Variants in SLC25A46 observed in about 807,000 individuals in gnomAD.
The protein encoded by SLC25A46 is solute carrier family 25 member 46.
Under a neutral mutation model 44.6 loss-of-function variants are expected in SLC25A46, and 39 were observed. That is an observed-to-expected ratio of 0.87 (90% confidence interval 0.68 to 1.14). SLC25A46 has a LOEUF of 1.14. SLC25A46 is among the 50% of genes most tolerant of loss of function. The probability of loss-of-function intolerance (pLI) is 0.00; values close to 1 mark genes in which losing one functional copy is unlikely to be tolerated. For missense variants in SLC25A46, 547 were observed against 522.7 expected, an observed-to-expected ratio of 1.05 and a Z score of -0.45; for synonymous variants, 202 against 185.8, an observed-to-expected ratio of 1.09 and a Z score of -0.71.
rs367626482 is a variant in SLC25A46 at position 110,761,041 on chromosome 5, GA to G, written c.679-155del. 2.9e-4 allele frequency among the ~76,000 whole-genome samples: 44 copies of G among 151,682 alleles called. No individual in the cohort carries two copies. Among genetic ancestry groups the G allele is most frequent in the African/African-American group, 9.9e-4 (41 of 41,350 alleles). ...CTAGCAATTTTATGAGATTTCATTTGAAAAAAAATCTGATGCCTAGATAACA... is the reference window on the plus strand; with the variant it reads ...CTAGCAATTTTATGAGATTTCATTTGAAAAAAATCTGATGCCTAGATAACA... On this transcript the variant is annotated intron_variant, in intron 7 of 7. Coordinates refer to ENST00000355943, the MANE Select transcript of SLC25A46 (RefSeq NM_138773.4). This position sits in a 1 kb window ranked among gnomAD's most constrained non-coding sequence, Gnocchi z 5.3.
Position 110,763,495 on chromosome 5 carries a change from T to G in SLC25A46, c.*1713T>G, listed in dbSNP as rs1800313419. Reference sequence around the variant, plus strand: ...CACATTTTATATTTTATGGTGACTATTTTAGATTAAGGTTTACTTTGTCCA... The same window carrying G: ...CACATTTTATATTTTATGGTGACTAGTTTAGATTAAGGTTTACTTTGTCCA... On this transcript the variant is annotated 3_prime_UTR_variant, in exon 8 of 8. Coordinates refer to ENST00000355943, the MANE Select transcript of SLC25A46 (RefSeq NM_138773.4). The G allele has an allele frequency of 6.6e-6, 1 of 151,854 alleles. No individual in the cohort carries two copies. The allele number at this position is 151,854 out of a possible 1,614,324, so 9.4% of individuals were successfully genotyped here. A position where few individuals can be genotyped will look rare whatever the true frequency, so the allele number is the denominator to read the frequency against.
At chr5:110,750,594 G>A (rs1182894237) in intron 5 of SLC25A46, among the ~76,000 whole-genome samples, 1 of 151,934 alleles carries the variant, frequency 6.6e-6, no homozygotes, top group Non-Finnish European at 1.5e-5. Context: ...TTGATTCCTT[G>A]TAATACCAAA....
upstream of SLC25A46, chr5:110,738,957 A>T (rs576455970): frequency 1.4e-6 from 2 of 1,442,152 alleles, no homozygotes; most frequent in Non-Finnish European, 1.8e-6. Context: ...AAGAGGCTAT[A>T]ATCACGTGCT....
In SLC25A46 at chr5:110,756,236, GT is replaced by G. The variant is rs5870419; in HGVS notation, c.621-451del. 743 of 141,080 alleles carry G rather than the reference GT, an allele frequency of 5.3e-3. 5 individuals carry two copies. Among genetic ancestry groups the G allele is most frequent in the African/African-American group, 0.013 (510 of 39,034 alleles). The allele number at this position is 141,080 out of a possible 1,614,324, so 8.7% of individuals were successfully genotyped here. A position where few individuals can be genotyped will look rare whatever the true frequency, so the allele number is the denominator to read the frequency against. ...AAACAACTTTGCAAAGCTGTATAATGTTTTTTTTTTTTTTTAATAATAAAAG... is the reference window on the plus strand; with the variant it reads ...AAACAACTTTGCAAAGCTGTATAATGTTTTTTTTTTTTTTAATAATAAAAG... On this transcript the variant is annotated intron_variant, in intron 6 of 7. Coordinates refer to ENST00000355943, the MANE Select transcript of SLC25A46 (RefSeq NM_138773.4).
chr5:110,738,317 C>T (rs1258802972), upstream of SLC25A46: 1 of 1,178,500 alleles, frequency 8.5e-7, no homozygotes, highest in African/African-American at 1.6e-5. Context: ...AACGATATAA[C>T]TGGGATTTCA....
At chr5:110,760,800 TAGG>T (rs1187468312) in intron 7 of SLC25A46, among the ~76,000 whole-genome samples, 1 of 152,142 alleles carries the variant, frequency 6.6e-6, no homozygotes, top group African/African-American at 2.4e-5. Flanking sequence ...AAACTGTGCT[TAGG>T]AGAAGTTAAG....
chr5:110,746,435 T>G (rs923304794), intron 4 of SLC25A46, 89 bp downstream of exon 4: 25 of 875,906 alleles, frequency 2.9e-5, no homozygotes, highest in Non-Finnish European at 3.9e-5. Flanking sequence ...TACTTTCAGT[T>G]TGGTCAATAA....
At chr5:110,754,633 C>A (rs1800060090) in intron 5 of SLC25A46, 1 of 151,898 alleles carries the variant, frequency 6.6e-6, no homozygotes, top group African/African-American at 2.4e-5. Context: ...GGTTCCAGAC[C>A]TGGCATTTTT....
rs1400743911 is a variant in SLC25A46, at chr5:110,742,086, C to G, written c.323C>G (p.Ala108Gly). Reference sequence around the variant, plus strand: ...TTTGCTGGATTTGGTATTGGACTTGCAAGGTAATGTTTTATCTAAAGACGT... The same window carrying G: ...TTTGCTGGATTTGGTATTGGACTTGGAAGGTAATGTTTTATCTAAAGACGT... ...NRFAGFGIGL[A>G]SLFTENVLAH... Residue 108 changes from alanine (A) to glycine (G), a missense_variant, in exon 2 of 8, where the codon GCA (alanine) becomes GGA (glycine). Physicochemically the swap from Ala to Gly is moderately conservative, Grantham distance 60. Coordinates refer to ENST00000355943, the MANE Select transcript of SLC25A46 (RefSeq NM_138773.4). 1.9e-6 allele frequency: 3 copies of G among 1,566,842 alleles called. No individual in the cohort carries two copies. The highest frequency in any genetic ancestry group is 2.6e-6 in the Non-Finnish European group (3 of 1,155,840).
At position 110,761,967 on chromosome 5, in the gene SLC25A46, C is replaced by T. The variant is rs2150419656; in HGVS notation, c.*185C>T. 1 of 527,296 alleles carries T rather than the reference C, an allele frequency of 1.9e-6. No homozygotes were observed. The highest frequency in any genetic ancestry group is 3.3e-6 in the Non-Finnish European group (1 of 303,744). 32.7% of individuals were successfully genotyped at this position (527,296 alleles called of 1,614,324 possible). On this transcript the variant is annotated 3_prime_UTR_variant, in exon 8 of 8. Transcript: ENST00000355943. The surrounding 1 kb of genome is among the most constrained non-coding windows in gnomAD (Gnocchi z 5.3). ...ATAGGTATATATTTTGGATCAAAAT[C>T]CTTCCAAATTTGAAAACTCAATAAA... is the stretch of plus-strand genomic sequence containing the variant.
In SLC25A46 at chr5:110,743,730, T is replaced by A; in HGVS notation, c.327T>A (p.Ser109Arg). The A allele has an allele frequency of 6.3e-7, 1 of 1,584,946 alleles. No homozygotes were observed. Among genetic ancestry groups the A allele is most frequent in the Non-Finnish European group, 8.6e-7 (1 of 1,159,096 alleles). The change falls in exon 3 of 8, where the codon AGT becomes AGA. Residue 109 changes from serine (S) to arginine (R), a missense_variant and splice_region_variant. Physicochemically the swap from Ser to Arg is moderately radical, Grantham distance 110. Coordinates refer to ENST00000355943, the MANE Select transcript of SLC25A46 (RefSeq NM_138773.4). Reference protein sequence around the residue: ...RFAGFGIGLASLFTENVLAHP... With the variant: ...RFAGFGIGLARLFTENVLAHP... ...ATATACATAAATTATTTTTATATAG[T>A]CTCTTTACAGAAAATGTATTGGCAC...
chr5:110,761,155 C>T lies in SLC25A46; in HGVS notation c.679-49C>T, dbSNP rs772132672. On this transcript the variant is annotated intron_variant, in intron 7 of 7. Coordinates refer to ENST00000355943, the MANE Select transcript of SLC25A46 (RefSeq NM_138773.4). The surrounding 1 kb of genome is among the most constrained non-coding windows in gnomAD (Gnocchi z 5.3). ...CCTAAAAAGAGTCCTTTTTCTGTGGCAAAATAAGCAAATGTTAAGTTTTAC... is the reference window on the plus strand; with the variant it reads ...CCTAAAAAGAGTCCTTTTTCTGTGGTAAAATAAGCAAATGTTAAGTTTTAC... 1.4e-6 allele frequency: 2 copies of T among 1,441,854 alleles called. No individual in the cohort carries two copies. Among genetic ancestry groups the T allele is most frequent in the Non-Finnish European group, 1.9e-6 (2 of 1,058,762 alleles). The allele number at this position is 1,441,854 out of a possible 1,614,324, so 89.3% of individuals were successfully genotyped here. A position where few individuals can be genotyped will look rare whatever the true frequency, so the allele number is the denominator to read the frequency against.
chr5:110,760,409 CA>C (rs1435430059), intron 7 of SLC25A46, among the ~76,000 whole-genome samples: 1 of 152,044 alleles, frequency 6.6e-6, no homozygotes, highest in Non-Finnish European at 1.5e-5. Context: ...TTTCAAAATA[CA>C]AATTATGTCA....
intron 7 of SLC25A46, among the ~76,000 whole-genome samples, chr5:110,757,429 C>T (rs1259357653): frequency 1.3e-5 from 2 of 152,070 alleles, no homozygotes; most frequent in African/African-American, 4.8e-5. Context: ...ACTATTTGTA[C>T]ACCTGTCTTC....
intron 2 of SLC25A46, among the ~76,000 whole-genome samples, chr5:110,743,081 A>C (rs944110605): frequency 1.3e-5 from 2 of 151,954 alleles, no homozygotes; most frequent in Admixed American, 6.6e-5. Flanking sequence ...GATTCATTTG[A>C]TAGACTATTA....
chr5:110,750,717 A>T (rs929910531), intron 5 of SLC25A46, among the ~76,000 whole-genome samples: 7 of 152,198 alleles, frequency 4.6e-5, no homozygotes, highest in Non-Finnish European at 1.0e-4. Flanking sequence ...CCCTTTTTTA[A>T]ATAAATATTG....
chr5:110,754,208 A>T (rs17506409), intron 5 of SLC25A46: 1 of 151,692 alleles, frequency 6.6e-6, no homozygotes, highest in Non-Finnish European at 1.5e-5. Context: ...GAAAATGTTT[A>T]TCTAGATTCC....
At chr5:110,760,134 A>G (rs921894535) in intron 7 of SLC25A46, among the ~76,000 whole-genome samples, 4 of 152,092 alleles carry the variant, frequency 2.6e-5, no homozygotes, top group African/African-American at 9.7e-5. Flanking sequence ...TTTCATCTCA[A>G]TAAAAGGCAG....
At chr5:110,757,390 G>A (rs1328713402) in intron 7 of SLC25A46, among the ~76,000 whole-genome samples, 1 of 152,086 alleles carries the variant, frequency 6.6e-6, no homozygotes, top group Non-Finnish European at 1.5e-5. Context: ...GATGAAGGTA[G>A]TTTTTACTTC....
Sources: allele counts gnomAD v4.1 joint callset (sites outside exome capture counted in the v4.1 genomes callset), GRCh38; gene constraint gnomAD v4.1.1; non-coding constraint Gnocchi (gnomAD v3.1); transcripts MANE v1.5; gene names NCBI Gene and HGNC (gene_info 2026-07-23, HGNC 2026-07-21).